DIP2C: variants seen among roughly 807,000 people sequenced by gnomAD.
The protein encoded by DIP2C is DIP2 acetate--CoA ligase C (putative), also known as disco-interacting protein 2 homolog C.
Under a neutral mutation model 192.4 loss-of-function variants are expected in DIP2C, and 33 were observed. That is an observed-to-expected ratio of 0.17 (90% CI 0.13 to 0.23). The LOEUF (loss-of-function observed/expected upper bound fraction) is 0.23, where lower values mean the gene tolerates loss of function less well. Among genes scored for constraint, DIP2C ranks in the 10% least tolerant of loss-of-function variants. The pLI is 1.00. For missense variants in DIP2C, 1,537 were observed against 2,110.1 expected, an observed-to-expected ratio of 0.73 and a Z score of 5.32; for synonymous variants, 979 against 864.1, an observed-to-expected ratio of 1.13 and a Z score of -2.33.
intron 32 of DIP2C, among the ~76,000 whole-genome samples, chr10:308,214 G>A (rs1357409732): frequency 6.7e-6 from 1 of 149,558 alleles, no homozygotes; most frequent in East Asian, 1.9e-4. Context: ...TCTGGCATCC[G>A]AGGAGCTCCC....
intron 3 of DIP2C, among the ~76,000 whole-genome samples, chr10:466,599 A>C (rs369276815): frequency 2.2e-5 from 3 of 136,746 alleles, no homozygotes; most frequent in African/African-American, 7.7e-5. Flanking sequence ...AGAGTGAACA[A>C]GCAACCTATA....
At chr10:525,502 T>C (rs1327613847) in intron 1 of DIP2C, among the ~76,000 whole-genome samples, 1 of 152,206 alleles carries the variant, frequency 6.6e-6, no homozygotes, top group African/African-American at 2.4e-5. Context: ...AAATACAAAG[T>C]GTTTGAGGAA....
chr10:466,218 C>T (rs1460166766), intron 3 of DIP2C, among the ~76,000 whole-genome samples: 1 of 152,050 alleles, frequency 6.6e-6, no homozygotes, highest in Non-Finnish European at 1.5e-5. Flanking sequence ...AGAACAGAGC[C>T]TGCAGAAATA....
At chr10:321,451 T>C (rs752725125) in intron 31 of DIP2C, among the ~76,000 whole-genome samples, 8 of 152,302 alleles carry the variant, frequency 5.3e-5, no homozygotes, top group African/African-American at 1.9e-4. Context: ...CTGAGTTTGC[T>C]CCCTATCTCC....
intron 32 of DIP2C, among the ~76,000 whole-genome samples, chr10:300,888 G>A (rs751108323): frequency 5.3e-5 from 8 of 152,206 alleles, no homozygotes; most frequent in African/African-American, 7.2e-5. Context: ...CTAAGCAGCC[G>A]GGCAACTCCT....
intron 1 of DIP2C, among the ~76,000 whole-genome samples, chr10:654,913 T>C (rs377609965): frequency 6.6e-6 from 1 of 152,222 alleles, no homozygotes; most frequent in South Asian, 2.1e-4. Context: ...CTACACTATA[T>C]AATACTGTAC....
At chr10:604,964 G>A (rs565759549) in intron 1 of DIP2C, among the ~76,000 whole-genome samples, 34 of 152,278 alleles carry the variant, frequency 2.2e-4, no homozygotes, top group Admixed American at 2.1e-3. Flanking sequence ...AAGGGTGCGG[G>A]GAAAAGGCCA....
intron 31 of DIP2C, chr10:311,563 G>A: frequency 8.1e-7 from 1 of 1,232,558 alleles, no homozygotes; most frequent in Non-Finnish European, 1.0e-6. Flanking sequence ...CACAGCCTGT[G>A]AGGCTACAGC....
chr10:474,598 T>G (rs1008545881), intron 2 of DIP2C, among the ~76,000 whole-genome samples: 1 of 152,058 alleles, frequency 6.6e-6, no homozygotes, highest in African/African-American at 2.4e-5. Flanking sequence ...CTCATGCTCT[T>G]CAATGCCCCC....
At chr10:338,400 C>T (rs1403792726) in intron 29 of DIP2C, among the ~76,000 whole-genome samples, 1 of 151,884 alleles carries the variant, frequency 6.6e-6, no homozygotes, top group South Asian at 2.1e-4. Context: ...CTGCCAGCTC[C>T]AGTCATGGGA....
chr10:602,435 A>G (rs1202937826), intron 1 of DIP2C, among the ~76,000 whole-genome samples: 10 of 152,342 alleles, frequency 6.6e-5, no homozygotes. Context: ...ACACTGAAGC[A>G]ATCTCCGATG....
intron 1 of DIP2C, among the ~76,000 whole-genome samples, chr10:516,963 C>G (rs769968371): frequency 9.0e-4 from 136 of 151,340 alleles, no homozygotes; most frequent in Non-Finnish European, 1.7e-3. Context: ...GAGGCATCCG[C>G]GGCACTTCCC....
rs965581004 is a variant in DIP2C at position 493,869 on chromosome 10, C to T, written c.86-7339G>A. ...AGTCCGAGATGCCCAAGGCATCTGG[C>T]CAAGGGCCAGACTGGTGGCAACAAA... On this transcript the variant is annotated intron_variant, in intron 1 of 36. Transcript: ENST00000280886. Among the ~76,000 whole-genome samples the T allele has an allele frequency of 3.3e-5, 5 of 152,262 alleles. 1 individual carries two copies. Among genetic ancestry groups the T allele is most frequent in the African/African-American group, 1.2e-4 (5 of 41,480 alleles).
At chr10:508,332 A>G (rs75435570) in intron 1 of DIP2C, among the ~76,000 whole-genome samples, 5,246 of 152,262 alleles carry the variant, frequency 0.034, 166 homozygotes, top group African/African-American at 0.081. Context: ...ACAGGCTCAG[A>G]GTGCCCAGGC....
chr10:585,747 C>T (rs913005693), intron 1 of DIP2C, among the ~76,000 whole-genome samples: 5 of 152,134 alleles, frequency 3.3e-5, no homozygotes, highest in Non-Finnish European at 5.9e-5. Flanking sequence ...CCAGGAAGAT[C>T]ATCATTCAAA....
intron 9 of DIP2C, among the ~76,000 whole-genome samples, chr10:399,783 C>T (rs972267692): frequency 4.6e-5 from 7 of 152,002 alleles, no homozygotes; most frequent in Admixed American, 3.3e-4. Flanking sequence ...GGCGTGAGTT[C>T]GTGGAGGCTG....
chr10:445,068 A>T (rs746093581), intron 3 of DIP2C, among the ~76,000 whole-genome samples: 3 of 152,246 alleles, frequency 2.0e-5, no homozygotes, highest in Admixed American at 6.5e-5. Flanking sequence ...TATCTTCACT[A>T]GCACCTGCTA....
At chr10:333,679 A>G (rs1957605634) in intron 29 of DIP2C, among the ~76,000 whole-genome samples, 1 of 152,238 alleles carries the variant, frequency 6.6e-6, no homozygotes, top group South Asian at 2.1e-4. Context: ...AGTCTGCTTA[A>G]TTAAGATCAT....
intron 22 of DIP2C, among the ~76,000 whole-genome samples, chr10:358,850 GAGGAGCAGAGGA>G (rs894969015): frequency 5.4e-5 from 7 of 129,404 alleles, no homozygotes; most frequent in Admixed American, 3.2e-4. Flanking sequence ...TGGGCAGGGG[GAGGAGCAGAGGA>G]AGCAGGGAGA....
Sources: allele counts gnomAD v4.1 joint callset (sites outside exome capture counted in the v4.1 genomes callset), GRCh38; gene constraint gnomAD v4.1.1; transcripts MANE v1.5; gene names NCBI Gene and HGNC (gene_info 2026-07-23, HGNC 2026-07-21).